ROBO1: variants seen among roughly 807,000 people sequenced by gnomAD.
The protein encoded by ROBO1 is roundabout homolog 1.
A neutral mutation model predicts 195.9 loss-of-function variants in ROBO1; 149 were observed. The ratio of observed to expected loss-of-function variants is 0.76; its 90% CI spans 0.67 to 0.87. ROBO1 has a LOEUF of 0.87. ROBO1 is among the 40% of genes least tolerant of loss of function. The pLI is 0.00. For missense variants in ROBO1, 1,933 were observed against 2,068.3 expected, an observed-to-expected ratio of 0.93 and a Z score of 1.27; for synonymous variants, 816 against 733.2, an observed-to-expected ratio of 1.11 and a Z score of -1.82.
chr3:79,183,169 AT>A (rs2081377717), intron 2 of ROBO1, among the ~76,000 whole-genome samples: 1 of 152,014 alleles, frequency 6.6e-6, no homozygotes, highest in Admixed American at 6.6e-5. Flanking sequence ...ACTAAGGCAC[AT>A]TTTATTTTAT....
intron 2 of ROBO1, among the ~76,000 whole-genome samples, chr3:79,576,886 T>A (rs2107772926): frequency 6.6e-6 from 1 of 152,314 alleles, no homozygotes; most frequent in Admixed American, 6.5e-5. Context: ...TAGAGCTGCT[T>A]CTGTGAACAT....
chr3:79,480,422 C>T (rs1938776228), intron 2 of ROBO1, among the ~76,000 whole-genome samples: 1 of 152,094 alleles, frequency 6.6e-6, no homozygotes. Flanking sequence ...GTCTAAAGAG[C>T]TTTTCCTTTC....
At chr3:79,435,253 G>A (rs1036400257) in intron 2 of ROBO1, among the ~76,000 whole-genome samples, 1 of 152,012 alleles carries the variant, frequency 6.6e-6, no homozygotes, top group Admixed American at 6.6e-5. Context: ...TTCTTTTAGA[G>A]ACGATGGGAG....
At chr3:79,501,835 A>G (rs1282047593) in intron 2 of ROBO1, among the ~76,000 whole-genome samples, 1 of 152,178 alleles carries the variant, frequency 6.6e-6, no homozygotes, top group Non-Finnish European at 1.5e-5. Context: ...TGTGATCTCC[A>G]CTTATGAATA....
intron 4 of ROBO1, among the ~76,000 whole-genome samples, chr3:78,895,165 A>ACAAAT: frequency 6.6e-6 from 1 of 152,344 alleles, no homozygotes; most frequent in East Asian, 1.9e-4. Context: ...TAATGCAGAC[A>ACAAAT]CAAATCAGTT....
At chr3:78,641,925 A>C (rs149119241) in intron 21 of ROBO1, among the ~76,000 whole-genome samples, 1 of 152,282 alleles carries the variant, frequency 6.6e-6, no homozygotes, top group Non-Finnish European at 1.5e-5. Flanking sequence ...TGAATTTGGA[A>C]TGCTAGTTAT....
At chr3:79,324,232 T>C (rs1302675309) in intron 2 of ROBO1, among the ~76,000 whole-genome samples, 1 of 152,164 alleles carries the variant, frequency 6.6e-6, no homozygotes, top group Non-Finnish European at 1.5e-5. Flanking sequence ...AAGATTAATG[T>C]GGAGAGTTTG....
chr3:79,757,827 A>T (rs1377128890), intron 1 of ROBO1, among the ~76,000 whole-genome samples: 1 of 151,958 alleles, frequency 6.6e-6, no homozygotes, highest in Non-Finnish European at 1.5e-5. Flanking sequence ...GCTCAATCGC[A>T]TTTTTTATAG....
intron 19 of ROBO1, among the ~76,000 whole-genome samples, chr3:78,650,676 G>A (rs1000937430): frequency 1.3e-5 from 2 of 152,202 alleles, no homozygotes; most frequent in African/African-American, 4.8e-5. Context: ...GGTGATGGTA[G>A]GGTAGGAGAC....
At chr3:79,615,205 T>C (rs574841026) in intron 1 of ROBO1, among the ~76,000 whole-genome samples, 1 of 152,276 alleles carries the variant, frequency 6.6e-6, no homozygotes, top group East Asian at 1.9e-4. Flanking sequence ...TTCTTCAGCA[T>C]AATAAACCTT....
intron 3 of ROBO1, among the ~76,000 whole-genome samples, chr3:79,066,195 C>T (rs1576633659): frequency 5.9e-5 from 9 of 151,762 alleles, no homozygotes; most frequent in Admixed American, 5.9e-4. Context: ...AGGATGGGTA[C>T]TTGGGTGACA....
chr3:79,585,892 G>A (rs949020665), intron 2 of ROBO1, among the ~76,000 whole-genome samples: 3 of 151,850 alleles, frequency 2.0e-5, no homozygotes, highest in Non-Finnish European at 4.4e-5. Context: ...CTATGAACAA[G>A]CAATCTCTAC....
intron 3 of ROBO1, among the ~76,000 whole-genome samples, chr3:79,058,675 C>G (rs2078858605): frequency 6.9e-6 from 1 of 144,624 alleles, no homozygotes; most frequent in Admixed American, 7.2e-5. Flanking sequence ...CTGTCCAATG[C>G]ATTAATTGTC....
chr3:78,715,251 A>G lies in ROBO1; in HGVS notation c.918-727T>C, dbSNP rs926511121. ...ACATCCCATAGGCACCTAATATTTA[A>G]TGTATTAAATAAAACTTTCTGTTCT... is the stretch of plus-strand genomic sequence containing the variant. On this transcript the variant is annotated intron_variant, in intron 7 of 30. Coordinates refer to ENST00000464233, the MANE Select transcript of ROBO1 (RefSeq NM_002941.4). 4.6e-5 allele frequency: 7 copies of G among 152,212 alleles called. No homozygotes were observed. The East Asian group carries it at 1.3e-3, about 29-fold the overall frequency. The allele number at this position is 152,212 out of a possible 1,614,324, so 9.4% of individuals were successfully genotyped here.
intron 4 of ROBO1, among the ~76,000 whole-genome samples, chr3:78,890,519 C>G (rs1448597963): frequency 2.6e-5 from 4 of 152,102 alleles, no homozygotes; most frequent in African/African-American, 9.7e-5. Flanking sequence ...GCTGCCCAGT[C>G]TATGACAATT....
chr3:79,190,151 T>C (rs1211183045), intron 2 of ROBO1, among the ~76,000 whole-genome samples: 1 of 151,654 alleles, frequency 6.6e-6, no homozygotes, highest in Non-Finnish European at 1.5e-5. Flanking sequence ...TAATATATTT[T>C]AACTAAAATT....
At chr3:79,270,686 C>A (rs1003259081) in intron 2 of ROBO1, among the ~76,000 whole-genome samples, 6 of 151,822 alleles carry the variant, frequency 4.0e-5, no homozygotes, top group Non-Finnish European at 8.8e-5. Flanking sequence ...AAAAAAAAAT[C>A]TTCCAGTCAT....
At chr3:79,708,360 TTCAACA>T (rs1385195052) in intron 1 of ROBO1, among the ~76,000 whole-genome samples, 1 of 152,202 alleles carries the variant, frequency 6.6e-6, no homozygotes, top group Non-Finnish European at 1.5e-5. Context: ...CATAAAATGT[TTCAACA>T]TCAACTGCAT....
intron 2 of ROBO1, among the ~76,000 whole-genome samples, chr3:79,307,687 G>C (rs998964255): frequency 2.0e-5 from 3 of 151,982 alleles, no homozygotes; most frequent in African/African-American, 7.2e-5. Flanking sequence ...GAAAGAATAG[G>C]AATCTCATGG....
Sources: allele counts gnomAD v4.1 joint callset (sites outside exome capture counted in the v4.1 genomes callset), GRCh38; gene constraint gnomAD v4.1.1; transcripts MANE v1.5; gene names NCBI Gene and HGNC (gene_info 2026-07-23, HGNC 2026-07-21).